The following KCNQ1 variants were observed in gnomAD, a reference collection of about 807,000 sequenced individuals.
The protein encoded by KCNQ1 is potassium voltage-gated channel subfamily Q member 1.
In KCNQ1, 49 loss-of-function variants were observed where a neutral mutation model predicts 72.4. The observed-to-expected ratio is 0.68, with a 90% CI of 0.54 to 0.86. The LOEUF is 0.86. KCNQ1 is among the 40% of genes least tolerant of loss of function. KCNQ1 has a pLI of 0.00. For synonymous variants in KCNQ1, 450 were observed against 412.6 expected (o/e 1.09, Z -1.10); for missense variants, 790 against 945.1 (o/e 0.84, Z 2.15).
Position 2,849,062 on chromosome 11 carries a change from G to A in KCNQ1, c.*1059G>A, listed in dbSNP as rs777252957. 1.5e-5 allele frequency: 7 copies of A among 453,978 alleles called. No individual in the cohort carries two copies. The highest frequency in any genetic ancestry group is 3.1e-5 in the Non-Finnish European group (7 of 226,748). The allele number at this position is 453,978 out of a possible 1,614,324, so 28.1% of individuals were successfully genotyped here. A position where few individuals can be genotyped will look rare whatever the true frequency, so the allele number is the denominator to read the frequency against. Reference sequence around the variant, plus strand: ...GGGGTCTCTCACAGACAGGACCCCTGCAGTTCCCCTGGAAGCAGTGCCCAG... The same window carrying A: ...GGGGTCTCTCACAGACAGGACCCCTACAGTTCCCCTGGAAGCAGTGCCCAG... On this transcript the variant is annotated 3_prime_UTR_variant, in exon 16 of 16. Coordinates refer to ENST00000155840, the MANE Select transcript of KCNQ1 (RefSeq NM_000218.3).
intron 15 of KCNQ1, among the ~76,000 whole-genome samples, chr11:2,788,513 G>A (rs1846955119): frequency 6.6e-6 from 1 of 151,984 alleles, no homozygotes; most frequent in Admixed American, 6.6e-5. Context: ...CCCCAGACCT[G>A]CCTCTCCTCG....
At position 2,687,409 on chromosome 11, in the gene KCNQ1, T is replaced by G; in HGVS notation, c.1514+25328T>G. On this transcript the variant is annotated intron_variant, in intron 11 of 15. Transcript: ENST00000155840. The surrounding 1 kb of genome is among the most constrained non-coding windows in gnomAD (Gnocchi z 5.0). ...TCTGCTGAAGGATCTGGGAGGTCAG[T>G]AGGCACCTGTGTCCACCCAGCTGTC... 1 of 398,594 alleles carries G rather than the reference T, an allele frequency of 2.5e-6. No homozygotes were observed. Among genetic ancestry groups the G allele is most frequent in the Non-Finnish European group, 4.4e-6 (1 of 226,092 alleles). The allele number at this position is 398,594 out of a possible 1,614,324, so 24.7% of individuals were successfully genotyped here.
In KCNQ1 at chr11:2,698,380, A is replaced by G; in HGVS notation, c.1514+36299A>G. The G allele has an allele frequency of 2.5e-6, 1 of 398,576 alleles. No individual in the cohort carries two copies. The highest frequency in any genetic ancestry group is 4.4e-6 in the Non-Finnish European group (1 of 226,064). 24.7% of individuals were successfully genotyped at this position (398,576 alleles called of 1,614,324 possible). A position where few individuals can be genotyped will look rare whatever the true frequency, so the allele number is the denominator to read the frequency against. The stretch of plus-strand genomic sequence containing the variant: ...AAAAGGCTATTTGACCTGCTCAGGG[A>G]CCACAGTGGGGTACTGGGATCTGAA... On this transcript the variant is annotated intron_variant, in intron 11 of 15. Coordinates refer to ENST00000155840, the MANE Select transcript of KCNQ1 (RefSeq NM_000218.3). The surrounding 1 kb of genome is among the most constrained non-coding windows in gnomAD (Gnocchi z 5.1).
chr11:2,807,884 C>T (rs1356381097), intron 15 of KCNQ1, among the ~76,000 whole-genome samples: 1 of 152,216 alleles, frequency 6.6e-6, no homozygotes, highest in African/African-American at 2.4e-5. Context: ...CCCTGACAAG[C>T]CCTGGCTGCA....
At chr11:2,650,902 T>C (rs1191757528) in intron 10 of KCNQ1, 1 of 398,554 alleles carries the variant, frequency 2.5e-6, no homozygotes, top group Non-Finnish European at 4.4e-6. Context: ...ATGCTATTTT[T>C]CTCCAAGCCT....
chr11:2,834,701 G>C (rs1194898372), intron 15 of KCNQ1, among the ~76,000 whole-genome samples: 1 of 152,218 alleles, frequency 6.6e-6, no homozygotes, highest in Non-Finnish European at 1.5e-5. Flanking sequence ...GCTTGGAAGG[G>C]TGTCCTTATG....
At chr11:2,643,807 CTT>C (rs1372882974) in intron 10 of KCNQ1, 1 of 398,504 alleles carries the variant, frequency 2.5e-6, no homozygotes, top group Non-Finnish European at 4.4e-6. Flanking sequence ...TGAGCTTTTA[CTT>C]TTAAGGGAAA....
Position 2,446,196 on chromosome 11 carries a change from C to T in KCNQ1, c.386+712C>T, listed in dbSNP as rs887834965. Among the ~76,000 whole-genome samples the T allele has an allele frequency of 6.6e-6, 1 of 152,298 alleles. No individual in the cohort carries two copies. Among genetic ancestry groups the T allele is most frequent in the African/African-American group, 2.4e-5 (1 of 41,564 alleles). ...CAGGTGGTTCCAATTCCCGGTACAG[C>T]GTGCCTGAGCAGGGCTGGGCACTGG... is the stretch of plus-strand genomic sequence containing the variant. On this transcript the variant is annotated intron_variant, in intron 1 of 15. Transcript: ENST00000155840. This position sits in a 1 kb window ranked among gnomAD's most constrained non-coding sequence, Gnocchi z 8.8.
Position 2,471,741 on chromosome 11 carries a change from C to G in KCNQ1, c.386+26257C>G, listed in dbSNP as rs1261133698. Reference sequence around the variant, plus strand: ...GTGTGCATGGGCGTGTGTATGTGTGCATGGGCGTGTGTGTACTTGTGTATG... The same window carrying G: ...GTGTGCATGGGCGTGTGTATGTGTGGATGGGCGTGTGTGTACTTGTGTATG... On this transcript the variant is annotated intron_variant, in intron 1 of 15. Coordinates refer to ENST00000155840, the MANE Select transcript of KCNQ1 (RefSeq NM_000218.3). The surrounding 1 kb of genome is among the most constrained non-coding windows in gnomAD (Gnocchi z 4.8). 1.4e-5 allele frequency among the ~76,000 whole-genome samples: 2 copies of G among 139,278 alleles called. No homozygotes were observed. Among genetic ancestry groups the G allele is most frequent in the East Asian group, 4.2e-4 (2 of 4,752 alleles). The allele number at this position is 139,278 out of a possible 152,430, so 91.4% of individuals were successfully genotyped here.
In KCNQ1 at chr11:2,691,379, G is replaced by A. The variant is rs1011329016; in HGVS notation, c.1514+29298G>A. On this transcript the variant is annotated intron_variant, in intron 11 of 15. Coordinates refer to ENST00000155840, the MANE Select transcript of KCNQ1 (RefSeq NM_000218.3). This position sits in a 1 kb window ranked among gnomAD's most constrained non-coding sequence, Gnocchi z 6.4. ...CTGACATCTTGGGCTCAGGCCTCTGGGTCTGGGCATAGAAGCCCAGGAACT... is the reference window on the plus strand; with the variant it reads ...CTGACATCTTGGGCTCAGGCCTCTGAGTCTGGGCATAGAAGCCCAGGAACT... The A allele has an allele frequency of 5.0e-5, 20 of 398,502 alleles. No individual in the cohort carries two copies. Among genetic ancestry groups the A allele is most frequent in the Non-Finnish European group, 8.4e-5 (19 of 226,098 alleles). 24.7% of individuals were successfully genotyped at this position (398,502 alleles called of 1,614,324 possible). A position where few individuals can be genotyped will look rare whatever the true frequency, so the allele number is the denominator to read the frequency against.
chr11:2,622,618 T>C, intron 10 of KCNQ1: 1 of 398,634 alleles, frequency 2.5e-6, no homozygotes. Flanking sequence ...AATACAACAT[T>C]TCCTCCCTTA....
intron 4 of KCNQ1, 80 bp from the exon 5 acceptor site, chr11:2,571,933 T>G: frequency 1.7e-6 from 2 of 1,205,014 alleles, no homozygotes; most frequent in Non-Finnish European, 2.4e-6. Context: ...GGGACACCCA[T>G]GCCATCGGCC....
intron 13 of KCNQ1, 103 bp downstream of exon 13, chr11:2,776,157 G>C (rs1846695884): frequency 9.8e-7 from 1 of 1,024,234 alleles, no homozygotes. Context: ...CTGAGACCCT[G>C]AGTTCTTGCC....
chr11:2,511,603 G>A (rs1847205451), intron 1 of KCNQ1, among the ~76,000 whole-genome samples: 1 of 152,190 alleles, frequency 6.6e-6, no homozygotes, highest in South Asian at 2.1e-4. Context: ...GGCTCCTGTT[G>A]GGCGGGACTG....
At chr11:2,630,354 AT>A (rs924999996) in intron 10 of KCNQ1, 4 of 398,144 alleles carry the variant, frequency 1.0e-5, no homozygotes, top group African/African-American at 4.1e-5. Flanking sequence ...TCATAAAAAA[AT>A]ATCAGCCAGT....
intron 12 of KCNQ1, among the ~76,000 whole-genome samples, chr11:2,774,236 T>C (rs867867551): frequency 6.6e-6 from 1 of 152,250 alleles, no homozygotes; most frequent in East Asian, 1.9e-4. Flanking sequence ...TACTAGCCTG[T>C]ACATAAGTAC....
At chr11:2,751,190 C>T (rs771103203) in intron 11 of KCNQ1, among the ~76,000 whole-genome samples, 126 of 152,270 alleles carry the variant, frequency 8.3e-4, no homozygotes, top group Non-Finnish European at 1.5e-3. Flanking sequence ...TCCCTCTGAG[C>T]GGAGGGTCAC....
At chr11:2,727,012 G>A (rs1845775822) in intron 11 of KCNQ1, among the ~76,000 whole-genome samples, 1 of 152,202 alleles carries the variant, frequency 6.6e-6, no homozygotes, top group African/African-American at 2.4e-5. Flanking sequence ...AGCAGGGAGG[G>A]GACACTTAAG....
chr11:2,649,800 G>C, intron 10 of KCNQ1: 1 of 398,330 alleles, frequency 2.5e-6, no homozygotes, highest in Non-Finnish European at 4.4e-6. Context: ...ATCTATTTAG[G>C]GATTTGTGAG....
Sources: allele counts gnomAD v4.1 joint callset (sites outside exome capture counted in the v4.1 genomes callset), GRCh38; gene constraint gnomAD v4.1.1; non-coding constraint Gnocchi (gnomAD v3.1); transcripts MANE v1.5; gene names NCBI Gene and HGNC (gene_info 2026-07-23, HGNC 2026-07-21).